The following CCBE1 variants were observed in gnomAD, a reference collection of about 807,000 sequenced individuals.
The protein encoded by CCBE1 is collagen and calcium-binding EGF domain-containing protein 1.
In CCBE1, 37 loss-of-function variants were observed where a neutral mutation model predicts 50.0. The ratio of observed to expected loss-of-function variants is 0.74; its 90% CI spans 0.57 to 0.97. The LOEUF is 0.97. Among genes scored for constraint, CCBE1 ranks in the 50% least tolerant of loss-of-function variants. The pLI is 0.00. For synonymous variants in CCBE1, 234 were observed against 203.7 expected (o/e 1.15, Z -1.27); for missense variants, 538 against 523.8 (o/e 1.03, Z -0.26).
chr18:59,629,261 C>A (rs1327078356), intron 2 of CCBE1, among the ~76,000 whole-genome samples: 1 of 152,168 alleles, frequency 6.6e-6, no homozygotes, highest in African/African-American at 2.4e-5. Context: ...CATCTTCCCC[C>A]AGGTATCATG....
At chr18:59,600,079 AT>A (rs964352708) in intron 2 of CCBE1, among the ~76,000 whole-genome samples, 2 of 152,132 alleles carry the variant, frequency 1.3e-5, no homozygotes, top group African/African-American at 4.8e-5. Flanking sequence ...GTCAGAAAAA[AT>A]ATTAGATATT....
At chr18:59,442,006 A>G (rs772275116) in intron 7 of CCBE1, among the ~76,000 whole-genome samples, 2 of 152,118 alleles carry the variant, frequency 1.3e-5, no homozygotes, top group African/African-American at 2.4e-5. Context: ...CATTTTTTCC[A>G]TGATTGCCTC....
intron 2 of CCBE1, among the ~76,000 whole-genome samples, chr18:59,695,442 G>T (rs956832416): frequency 1.3e-5 from 2 of 152,062 alleles, no homozygotes; most frequent in East Asian, 1.9e-4. Context: ...CCCCGCACAC[G>T]CCAAGAGAAA....
chr18:59,497,733 G>T (rs952036129), intron 2 of CCBE1, among the ~76,000 whole-genome samples: 2 of 152,104 alleles, frequency 1.3e-5, no homozygotes, highest in Non-Finnish European at 2.9e-5. Context: ...TGGTCCACAG[G>T]CCCTTCCTAA....
At chr18:59,589,434 A>T (rs1382343869) in intron 2 of CCBE1, among the ~76,000 whole-genome samples, 1 of 152,214 alleles carries the variant, frequency 6.6e-6, no homozygotes, top group Non-Finnish European at 1.5e-5. Context: ...TATTTCAACC[A>T]ATATCACACG....
At chr18:59,517,514 T>A (rs561360736) in intron 2 of CCBE1, among the ~76,000 whole-genome samples, 1 of 152,336 alleles carries the variant, frequency 6.6e-6, no homozygotes, top group East Asian at 1.9e-4. Flanking sequence ...ACTACATAAA[T>A]GTAAGTACAG....
chr18:59,468,459 G>A (rs1014779947), intron 4 of CCBE1, among the ~76,000 whole-genome samples: 3 of 152,146 alleles, frequency 2.0e-5, no homozygotes, highest in African/African-American at 7.2e-5. Context: ...TGGGACCTGA[G>A]CCTCATGGAA....
In CCBE1 at chr18:59,623,731, A is replaced by G. The variant is rs112041311; in HGVS notation, c.212+72898T>C. Among the ~76,000 whole-genome samples the G allele has an allele frequency of 3.5e-3, 527 of 152,288 alleles. 5 individuals are homozygous for G. Among genetic ancestry groups the G allele is most frequent in the Admixed American group, 0.015 (233 of 15,302 alleles). The stretch of plus-strand genomic sequence containing the variant: ...AGAACATTTTGTTTATAAATTGTTT[A>G]CCATTAGGCGCATCTACCAGCAACA... On this transcript the variant is annotated intron_variant, in intron 2 of 10. Coordinates refer to ENST00000439986, the MANE Select transcript of CCBE1 (RefSeq NM_133459.4).
intron 2 of CCBE1, among the ~76,000 whole-genome samples, chr18:59,691,647 G>A (rs1041447383): frequency 6.6e-5 from 10 of 152,090 alleles, no homozygotes; most frequent in South Asian, 4.1e-4. Flanking sequence ...CTCGTGATCT[G>A]CCTGCCTTGG....
chr18:59,644,325 G>A (rs1374985533), intron 2 of CCBE1, among the ~76,000 whole-genome samples: 1 of 152,134 alleles, frequency 6.6e-6, no homozygotes, highest in East Asian at 1.9e-4. Context: ...CCCAGGAGTT[G>A]GGGACCCCTG....
At chr18:59,608,159 A>G (rs565654013) in intron 2 of CCBE1, among the ~76,000 whole-genome samples, 48 of 152,352 alleles carry the variant, frequency 3.2e-4, no homozygotes, top group African/African-American at 1.1e-3. Flanking sequence ...TGGGGATTAA[A>G]AAGTATATAG....
At chr18:59,512,627 C>T (rs1914181128) in intron 2 of CCBE1, among the ~76,000 whole-genome samples, 2 of 152,224 alleles carry the variant, frequency 1.3e-5, no homozygotes, top group African/African-American at 4.8e-5. Flanking sequence ...TGCTGGCAGG[C>T]CCAGGGCAGG....
At chr18:59,510,704 G>A (rs1353313322) in intron 2 of CCBE1, among the ~76,000 whole-genome samples, 1 of 152,148 alleles carries the variant, frequency 6.6e-6, no homozygotes, top group Non-Finnish European at 1.5e-5. Flanking sequence ...TTACAGGCAG[G>A]AGCCACCACA....
chr18:59,521,836 T>C (rs967465874), intron 2 of CCBE1, among the ~76,000 whole-genome samples: 1 of 152,210 alleles, frequency 6.6e-6, no homozygotes, highest in Non-Finnish European at 1.5e-5. Flanking sequence ...AAAAGTTTAG[T>C]CATACTTATT....
chr18:59,653,693 A>G (rs1221292768), intron 2 of CCBE1, among the ~76,000 whole-genome samples: 1 of 152,210 alleles, frequency 6.6e-6, no homozygotes, highest in Non-Finnish European at 1.5e-5. Flanking sequence ...AGTTAAAAAA[A>G]ATTAAAAAAT....
intron 2 of CCBE1, among the ~76,000 whole-genome samples, chr18:59,615,773 AG>A (rs142349075): frequency 0.043 from 6,551 of 152,260 alleles, 374 homozygotes; most frequent in African/African-American, 0.13. Context: ...AAGATTTACA[AG>A]GGACCTTTGT....
intron 2 of CCBE1, among the ~76,000 whole-genome samples, chr18:59,583,680 TGC>T (rs35460738): frequency 0.036 from 2,164 of 59,314 alleles, 21 homozygotes; most frequent in East Asian, 0.17. Flanking sequence ...TGTGTGTGTG[TGC>T]GCGCGCGCGC....
At chr18:59,571,949 T>C (rs2052921711) in intron 2 of CCBE1, among the ~76,000 whole-genome samples, 1 of 152,214 alleles carries the variant, frequency 6.6e-6, no homozygotes. Context: ...TTTAGACTAC[T>C]GGAAATTCTA....
intron 2 of CCBE1, among the ~76,000 whole-genome samples, chr18:59,616,264 C>A (rs1273283085): frequency 2.6e-5 from 4 of 152,028 alleles, no homozygotes; most frequent in Non-Finnish European, 5.9e-5. Flanking sequence ...TCATCTTAAA[C>A]AAAAAGTTGG....
Sources: allele counts gnomAD v4.1 joint callset (sites outside exome capture counted in the v4.1 genomes callset), GRCh38; gene constraint gnomAD v4.1.1; transcripts MANE v1.5; gene names NCBI Gene and HGNC (gene_info 2026-07-23, HGNC 2026-07-21).